The following COL6A6 variants were observed in gnomAD, a reference collection of about 807,000 sequenced individuals.
COL6A6 encodes the protein collagen type VI alpha 6 chain.
COL6A6 carries 183 observed loss-of-function variants against 208.6 expected under a neutral mutation model. That is an observed-to-expected ratio of 0.88 (90% confidence interval 0.78 to 0.99). The LOEUF is 0.99. Among genes scored for constraint, COL6A6 ranks in the 50% least tolerant of loss-of-function variants. The pLI, the probability that COL6A6 is intolerant of heterozygous loss-of-function variation, is 0.00. For missense variants in COL6A6, 2,816 were observed against 2,815.2 expected, an observed-to-expected ratio of 1.00 and a Z score of -0.01; for synonymous variants, 973 against 1,011.8, an observed-to-expected ratio of 0.96 and a Z score of 0.73.
At chr3:130,616,007 G>T (rs2064507740) in intron 23 of COL6A6, among the ~76,000 whole-genome samples, 2 of 152,110 alleles carry the variant, frequency 1.3e-5, no homozygotes, top group African/African-American at 4.8e-5. Context: ...GGAAAACATG[G>T]TTTTTCTTTC....
chr3:130,614,583 G>T (rs1252029658), intron 23 of COL6A6, among the ~76,000 whole-genome samples: 1 of 152,164 alleles, frequency 6.6e-6, no homozygotes, highest in Non-Finnish European at 1.5e-5. Context: ...CAGTAGGAAT[G>T]ATATCAGCTC....
At chr3:130,606,646 A>G (rs968172184) in intron 20 of COL6A6, among the ~76,000 whole-genome samples, 3 of 152,226 alleles carry the variant, frequency 2.0e-5, no homozygotes, top group African/African-American at 7.2e-5. Context: ...TTAACAGAGA[A>G]CAAATTATTG....
rs747630698 is a variant in COL6A6 at position 130,565,019 on chromosome 3, T to A, written c.687T>A (p.Asp229Glu). ...VEACQGPSMA[D>E]VVFLLDMSIN... ...CTTGCCAAGGCCCTTCTATGGCCGA[T>A]GTTGTGTTCCTATTGGATATGTCAA... The change falls in exon 4 of 37, where the codon GAT becomes GAA. Residue 229 changes from aspartate to glutamate, a missense_variant. Coordinates refer to ENST00000358511, the MANE Select transcript of COL6A6 (RefSeq NM_001102608.3). 13 of 1,613,700 alleles carry A rather than the reference T, an allele frequency of 8.1e-6. No individual in the cohort carries two copies. Among genetic ancestry groups the A allele is most frequent in the Non-Finnish European group, 9.3e-6 (11 of 1,179,672 alleles).
chr3:130,639,689 C>CAAA (rs57615059), intron 28 of COL6A6, among the ~76,000 whole-genome samples: 4 of 94,656 alleles, frequency 4.2e-5, no homozygotes, highest in Non-Finnish European at 6.9e-5. Flanking sequence ...GATCCTGTCT[C>CAAA]AAAAAAAAAA....
chr3:130,546,871 A>T (rs1470994439), intron 1 of COL6A6, among the ~76,000 whole-genome samples: 1 of 151,366 alleles, frequency 6.6e-6, no homozygotes, highest in African/African-American at 2.4e-5. Context: ...GATTAGCTAG[A>T]CACAGAGCAC....
intron 33 of COL6A6, among the ~76,000 whole-genome samples, chr3:130,651,500 A>C (rs1170321896): frequency 1.3e-5 from 2 of 152,114 alleles, no homozygotes; most frequent in Non-Finnish European, 2.9e-5. Context: ...GATCCTGAAC[A>C]AAAATTTGTT....
At chr3:130,602,243 G>T (rs190047743) in intron 20 of COL6A6, among the ~76,000 whole-genome samples, 1 of 152,138 alleles carries the variant, frequency 6.6e-6, no homozygotes, top group Non-Finnish European at 1.5e-5. Flanking sequence ...TAAGGAAAAA[G>T]AAATCATTCG....
At chr3:130,593,630 C>A (rs1560040691) in intron 17 of COL6A6, among the ~76,000 whole-genome samples, 1 of 152,222 alleles carries the variant, frequency 6.6e-6, no homozygotes. Context: ...TCAACACTTG[C>A]ATCTCTTTCT....
intron 32 of COL6A6, among the ~76,000 whole-genome samples, chr3:130,648,703 G>A (rs1040819523): frequency 1.5e-4 from 23 of 152,280 alleles, no homozygotes; most frequent in African/African-American, 5.5e-4. Flanking sequence ...AAAGAAATGT[G>A]TTTAACTGAG....
At chr3:130,623,650 T>C (rs916464032) in intron 24 of COL6A6, among the ~76,000 whole-genome samples, 6 of 152,102 alleles carry the variant, frequency 3.9e-5, no homozygotes, top group Non-Finnish European at 7.4e-5. Flanking sequence ...GGGGGCTTCG[T>C]GTATGAGGGG....
At chr3:130,615,304 G>A (rs1003950215) in intron 23 of COL6A6, among the ~76,000 whole-genome samples, 1 of 152,032 alleles carries the variant, frequency 6.6e-6, no homozygotes, top group African/African-American at 2.4e-5. Context: ...CAAGACTGTG[G>A]TTGATATGAT....
chr3:130,591,108 C>CT lies in COL6A6; in HGVS notation c.4272+20dup, dbSNP rs1199898355. 8 of 1,562,220 alleles carry CT rather than the reference C, an allele frequency of 5.1e-6. No individual in the cohort carries two copies. The African/African-American group carries it at 5.4e-5, about 11-fold the overall frequency. On this transcript the variant is annotated intron_variant, in intron 13 of 36. Transcript: ENST00000358511. ...GAGGGAATCGCTGTAAGTCAGGGCTCTTTTTTACCTCCATTTATCCCTAAA... is the reference window on the plus strand; with the variant it reads ...GAGGGAATCGCTGTAAGTCAGGGCTCTTTTTTTACCTCCATTTATCCCTAAA...
At chr3:130,554,855 A>T (rs1037757854) in intron 1 of COL6A6, among the ~76,000 whole-genome samples, 2 of 152,068 alleles carry the variant, frequency 1.3e-5, no homozygotes, top group African/African-American at 4.8e-5. Context: ...ATTGGCAGGG[A>T]CTGCTCTGCT....
chr3:130,566,694 CT>C lies in COL6A6; in HGVS notation c.1283-3del, dbSNP rs2063031909. 2 of 1,581,534 alleles carry C rather than the reference CT, an allele frequency of 1.3e-6. No homozygotes were observed. Among genetic ancestry groups the C allele is most frequent in the Non-Finnish European group, 1.7e-6 (2 of 1,163,642 alleles). On this transcript the variant is annotated splice_polypyrimidine_tract_variant and splice_region_variant and intron_variant, in intron 4 of 36. Coordinates refer to ENST00000358511, the MANE Select transcript of COL6A6 (RefSeq NM_001102608.3). ...AATGCCACATGCAACTTATTGATTC[CT>C]TTTTAGGTTGTGTGGACACTGAGGA...
chr3:130,517,630 G>A (rs1376649555), intron 1 of COL6A6, among the ~76,000 whole-genome samples: 1 of 152,250 alleles, frequency 6.6e-6, no homozygotes, highest in Admixed American at 6.5e-5. Flanking sequence ...GCATCCGACT[G>A]TTGAAGAACC....
chr3:130,649,413 C>T lies in COL6A6; in HGVS notation c.5584C>T (p.His1862Tyr). 1.2e-6 allele frequency: 2 copies of T among 1,613,148 alleles called. No homozygotes were observed. Among genetic ancestry groups the T allele is most frequent in the South Asian group, 2.2e-5 (2 of 90,786 alleles). ...NVFKRTLPGAHTRKIATFFSS... is the reference protein window; with the variant it reads ...NVFKRTLPGAYTRKIATFFSS... ...CTTCAAGCGGACGCTTCCGGGGGCA[C>T]ACACGAGAAAAATCGCCACATTTTT... The change falls in exon 33 of 37, where the codon CAC (histidine) becomes TAC (tyrosine). Residue 1862 changes from histidine to tyrosine, a missense_variant. By Grantham distance (83) the His-to-Tyr change is moderately conservative. Transcript: ENST00000358511.
intron 18 of COL6A6, chr3:130,594,560 A>G (rs867268572): frequency 7.2e-6 from 3 of 416,284 alleles, no homozygotes; most frequent in South Asian, 7.4e-5. Flanking sequence ...TGCAAATGCA[A>G]TTTTGTAAAT....
rs192729077 is a variant in COL6A6 at position 130,597,668 on chromosome 3, A to G, written c.4534-697A>G. ...TTGTGGTTCATACGACTCAAGCAAGAAAGACTTTGGTTTGGCCTGCTAAAG... is the reference window on the plus strand; with the variant it reads ...TTGTGGTTCATACGACTCAAGCAAGGAAGACTTTGGTTTGGCCTGCTAAAG... On this transcript the variant is annotated intron_variant, in intron 18 of 36. Coordinates refer to ENST00000358511, the MANE Select transcript of COL6A6 (RefSeq NM_001102608.3). Among the ~76,000 whole-genome samples, 16 of 152,342 alleles carry G rather than the reference A, an allele frequency of 1.1e-4. No individual in the cohort carries two copies. The South Asian group carries it at 3.1e-3, about 30-fold the overall frequency.
intron 36 of COL6A6, among the ~76,000 whole-genome samples, chr3:130,666,811 T>G (rs1159890046): frequency 6.6e-6 from 1 of 152,176 alleles, no homozygotes; most frequent in Non-Finnish European, 1.5e-5. Flanking sequence ...ATTATCATTT[T>G]CTAGAACTTA....
Sources: allele counts gnomAD v4.1 joint callset (sites outside exome capture counted in the v4.1 genomes callset), GRCh38; gene constraint gnomAD v4.1.1; transcripts MANE v1.5; gene names NCBI Gene and HGNC (gene_info 2026-07-23, HGNC 2026-07-21).